ARPC3: variants seen among roughly 807,000 people sequenced by gnomAD.
ARPC3 encodes the protein actin related protein 2/3 complex subunit 3.
In ARPC3, 12 loss-of-function variants were observed where a neutral mutation model predicts 27.6. The ratio of observed to expected loss-of-function variants is 0.43; its 90% CI spans 0.28 to 0.70. The LOEUF (loss-of-function observed/expected upper bound fraction) is 0.70. Ranked by LOEUF, ARPC3 falls within the 30% of genes least tolerant of loss-of-function variation. The probability of loss-of-function intolerance (pLI) is 0.17; values close to 1 mark genes in which losing one functional copy is unlikely to be tolerated. For missense variants in ARPC3, 153 were observed against 207.7 expected (o/e 0.74, Z 1.62); for synonymous variants, 53 against 67.2 (o/e 0.79, Z 1.03).
Position 110,436,037 on chromosome 12 carries a change from C to T in ARPC3, c.474+73G>A, listed in dbSNP as rs2062402122. 6 of 1,145,188 alleles carry T rather than the reference C, an allele frequency of 5.2e-6. No homozygotes were observed. The South Asian group carries it at 7.4e-5, about 14-fold the overall frequency. 70.9% of individuals were successfully genotyped at this position (1,145,188 alleles called of 1,614,324 possible). On this transcript the variant is annotated intron_variant, in intron 6 of 6. Coordinates refer to ENST00000228825, the MANE Select transcript of ARPC3 (RefSeq NM_001278556.2). ...TTAAAAATATTCTTGCAATGGAAGACCTTAGTGTGTTCAATGGTGGCTATG... is the reference window on the plus strand; with the variant it reads ...TTAAAAATATTCTTGCAATGGAAGATCTTAGTGTGTTCAATGGTGGCTATG...
chr12:110,440,303 G>A lies in ARPC3; in HGVS notation c.183+9C>T, dbSNP rs372213238. 12 of 1,577,762 alleles carry A rather than the reference G, an allele frequency of 7.6e-6. No individual in the cohort carries two copies. The highest frequency in any genetic ancestry group is 1.9e-4 in the Middle Eastern group (1 of 5,374). On this transcript the variant is annotated intron_variant, in intron 3 of 6. Coordinates refer to ENST00000228825, the MANE Select transcript of ARPC3 (RefSeq NM_001278556.2). ...AACTAAGTTAAATATTAAAAGCTCC[G>A]TAATTTACCTTAATTTCATAGTTTT... is the stretch of plus-strand genomic sequence containing the variant.
chr12:110,443,621 CAG>C (rs1034832676), intron 2 of ARPC3, among the ~76,000 whole-genome samples: 5 of 151,924 alleles, frequency 3.3e-5, no homozygotes, highest in African/African-American at 7.2e-5. Context: ...TTGGTAGAGA[CAG>C]AGTTTCACCA....
chr12:110,436,036 A>G, intron 6 of ARPC3, 74 bp downstream of exon 6: 1 of 1,118,230 alleles, frequency 8.9e-7, no homozygotes, highest in Non-Finnish European at 1.4e-6. Context: ...GCAATGGAAG[A>G]CCTTAGTGTG....
intron 2 of ARPC3, chr12:110,442,601 C>G (rs2062443966): frequency 6.6e-6 from 1 of 151,220 alleles, no homozygotes. Flanking sequence ...GAGCGAGACT[C>G]CATCTCAAAA....
chr12:110,436,814 A>G, intron 4 of ARPC3, 131 bp from the exon 5 acceptor site: 2 of 776,718 alleles, frequency 2.6e-6, no homozygotes, highest in Non-Finnish European at 4.1e-6. Context: ...CCCTTGAGTC[A>G]AGGGCTTAAA....
In ARPC3 at chr12:110,435,132, G is replaced by A; in HGVS notation, c.*23C>T. 1 of 1,605,382 alleles carries A rather than the reference G, an allele frequency of 6.2e-7. No homozygotes were observed. The highest frequency in any genetic ancestry group is 8.5e-7 in the Non-Finnish European group (1 of 1,172,484). ...GGAAAATGCTGCCCAGGGCTCTGGAGACGGTGGCTGCCCGGGCTCCCTTCA... is the reference window on the plus strand; with the variant it reads ...GGAAAATGCTGCCCAGGGCTCTGGAAACGGTGGCTGCCCGGGCTCCCTTCA... On this transcript the variant is annotated 3_prime_UTR_variant, in exon 7 of 7. Transcript: ENST00000228825.
intron 1 of ARPC3, among the ~76,000 whole-genome samples, chr12:110,449,236 G>C (rs576327773): frequency 6.6e-6 from 1 of 152,248 alleles, no homozygotes; most frequent in Non-Finnish European, 1.5e-5. Context: ...CAGCCTGGCA[G>C]GCAGCAGGTG....
At chr12:110,448,425 C>T (rs2062477731) in intron 1 of ARPC3, among the ~76,000 whole-genome samples, 1 of 151,890 alleles carries the variant, frequency 6.6e-6, no homozygotes, top group Admixed American at 6.6e-5. Context: ...GTCTGTAATC[C>T]CAACACTTAG....
chr12:110,441,774 T>C (rs958271113), intron 2 of ARPC3, among the ~76,000 whole-genome samples: 5 of 151,956 alleles, frequency 3.3e-5, no homozygotes, highest in African/African-American at 1.2e-4. Context: ...CTCACGCCTG[T>C]AATCCCAACA....
chr12:110,444,287 A>ATT (rs11346255), intron 2 of ARPC3, among the ~76,000 whole-genome samples: 1 of 136,114 alleles, frequency 7.3e-6, no homozygotes, highest in Non-Finnish European at 1.6e-5. Context: ...GTGAAAAAAA[A>ATT]TTTTTTTTTT....
chr12:110,436,359 GTTTTTGT>G (rs2062403790), intron 5 of ARPC3, 155 bp from the exon 6 acceptor site: 1 of 1,132,276 alleles, frequency 8.8e-7, no homozygotes, highest in Non-Finnish European at 1.3e-6. Flanking sequence ...AACTATATTT[GTTTTTGT>G]TCAAAAGATT....
chr12:110,436,578 G>T lies in ARPC3; in HGVS notation c.358C>A (p.Pro120Thr), dbSNP rs2062405076. 1 of 1,613,610 alleles carries T rather than the reference G, an allele frequency of 6.2e-7. No individual in the cohort carries two copies. Among genetic ancestry groups the T allele is most frequent in the South Asian group, 1.1e-5 (1 of 91,084 alleles). ...TTACCATCTTCCTGTTTGTTTGCAGGTTTGGCATAAATTGCGTTAAGTGGA... is the reference window on the plus strand; with the variant it reads ...TTACCATCTTCCTGTTTGTTTGCAGTTTTGGCATAAATTGCGTTAAGTGGA... ...GFPLNAIYAK[P>T]ANKQEDEVMR... The change falls in exon 5 of 7, where the codon CCT (proline) becomes ACT (threonine). Residue 120 changes from proline to threonine, a missense_variant. Transcript: ENST00000228825.
chr12:110,443,508 G>C (rs2062449268), intron 2 of ARPC3, among the ~76,000 whole-genome samples: 1 of 151,586 alleles, frequency 6.6e-6, no homozygotes, highest in Non-Finnish European at 1.5e-5. Flanking sequence ...TCTAGGCCCA[G>C]TGCAACCTCC....
chr12:110,444,063 AG>A (rs1470142090), intron 2 of ARPC3, among the ~76,000 whole-genome samples: 1 of 149,440 alleles, frequency 6.7e-6, no homozygotes, highest in Non-Finnish European at 1.5e-5. Context: ...TCCACCTCCC[AG>A]GTTCAAGCAA....
intron 1 of ARPC3, 29 bp downstream of exon 1, chr12:110,450,226 T>C: frequency 6.2e-7 from 1 of 1,613,864 alleles, no homozygotes; most frequent in Non-Finnish European, 8.5e-7. Context: ...ATCCCCGCTG[T>C]CTCCCCACAC....
intron 1 of ARPC3, among the ~76,000 whole-genome samples, chr12:110,446,582 C>T (rs1359702318): frequency 6.6e-6 from 1 of 151,572 alleles, no homozygotes; most frequent in Non-Finnish European, 1.5e-5. Context: ...CAGATGTGAG[C>T]CACTGCACTG....
At chr12:110,449,993 G>C (rs1275373176) in intron 1 of ARPC3, among the ~76,000 whole-genome samples, 1 of 112,784 alleles carries the variant, frequency 8.9e-6, no homozygotes. Context: ...GCCGGAGTCG[G>C]AAGGAGTAGA....
chr12:110,446,174 A>G (rs965245971), intron 1 of ARPC3, among the ~76,000 whole-genome samples: 13 of 145,698 alleles, frequency 8.9e-5, no homozygotes, highest in African/African-American at 3.0e-4. Context: ...TTTTTTTTTG[A>G]GAAGGAGTCT....
intron 3 of ARPC3, among the ~76,000 whole-genome samples, chr12:110,438,862 C>A (rs1436191092): frequency 1.3e-5 from 2 of 151,808 alleles, no homozygotes; most frequent in Non-Finnish European, 2.9e-5. Flanking sequence ...AGGCTGGTCT[C>A]AAGCTCCCGA....
Sources: gnomAD v4.1 joint callset for allele counts (sites outside exome capture counted in the v4.1 genomes callset) on GRCh38, gnomAD v4.1.1 for gene constraint, MANE v1.5 for transcripts, NCBI Gene and HGNC (gene_info 2026-07-23, HGNC 2026-07-21) for gene names.